Variants in BRWD1 observed in about 807,000 individuals in gnomAD.
BRWD1 encodes bromodomain and WD repeat-containing protein 1.
A neutral mutation model predicts 251.2 loss-of-function variants in BRWD1; 82 were observed. The observed-to-expected ratio is 0.33, with a 90% CI of 0.27 to 0.39. The LOEUF (loss-of-function observed/expected upper bound fraction) is 0.39, where lower values mean the gene tolerates loss of function less well. BRWD1 is among the 10% of genes least tolerant of loss of function. The pLI, the probability that BRWD1 is intolerant of heterozygous loss-of-function variation, is 1.00. For synonymous variants in BRWD1, 918 were observed against 902.8 expected (o/e 1.02, Z -0.30); for missense variants, 2,233 against 2,711.6 (o/e 0.82, Z 3.92).
In BRWD1 at chr21:39,196,040, C is replaced by T; in HGVS notation, c.*219G>A. 7.9e-7 allele frequency: 1 copy of T among 1,264,914 alleles called. No individual in the cohort carries two copies. Among genetic ancestry groups the T allele is most frequent in the South Asian group, 2.5e-5 (1 of 39,638 alleles). 78.4% of individuals were successfully genotyped at this position (1,264,914 alleles called of 1,614,324 possible). On this transcript the variant is annotated 3_prime_UTR_variant, in exon 41 of 41. Coordinates refer to ENST00000342449, the MANE Select transcript of BRWD1 (RefSeq NM_033656.4). ...AAATACTGTCAAAATAGATCTGCCCCCAAAATGAAGCATATTTTGGCACCT... is the reference window on the plus strand; with the variant it reads ...AAATACTGTCAAAATAGATCTGCCCTCAAAATGAAGCATATTTTGGCACCT...
chr21:39,297,145 T>C (rs1238851844), intron 5 of BRWD1: 9 of 985,246 alleles, frequency 9.1e-6, no homozygotes, highest in Middle Eastern at 1.0e-3. Context: ...CCCTCCTCTA[T>C]AGGAGATAGC....
intron 21 of BRWD1, among the ~76,000 whole-genome samples, chr21:39,241,605 A>G (rs2034005598): frequency 6.6e-6 from 1 of 151,638 alleles, no homozygotes; most frequent in South Asian, 2.1e-4. Context: ...GAATAATGTG[A>G]AGTCGTGCAT....
chr21:39,314,211 G>C (rs1291625570), upstream of BRWD1: 2 of 455,706 alleles, frequency 4.4e-6, no homozygotes, highest in South Asian at 1.5e-5. Flanking sequence ...AACGCCGCCC[G>C]GACCCGCGCT....
At chr21:39,313,782 G>C (rs886397651), upstream of BRWD1, 2 of 384,044 alleles carry the variant, frequency 5.2e-6, no homozygotes, top group African/African-American at 2.2e-5. Context: ...TGCCTCCGGG[G>C]ACTCGATGAG....
At chr21:39,286,694 T>C (rs562709471) in intron 8 of BRWD1, among the ~76,000 whole-genome samples, 73 of 151,918 alleles carry the variant, frequency 4.8e-4, no homozygotes, top group African/African-American at 1.6e-3. Context: ...TTTTGTATTT[T>C]TAATACAGAC....
At position 39,193,012 on chromosome 21, in the gene BRWD1, C is replaced by T. The variant is rs1421113212; in HGVS notation, c.*3247G>A. 1.6e-5 allele frequency: 16 copies of T among 984,920 alleles called. No homozygotes were observed. The South Asian group carries it at 6.1e-4, about 38-fold the overall frequency. The allele number at this position is 984,920 out of a possible 1,614,324, so 61.0% of individuals were successfully genotyped here. A position where few individuals can be genotyped will look rare whatever the true frequency, so the allele number is the denominator to read the frequency against. On this transcript the variant is annotated 3_prime_UTR_variant, in exon 41 of 41. Coordinates refer to ENST00000342449, the MANE Select transcript of BRWD1 (RefSeq NM_033656.4). The stretch of plus-strand genomic sequence containing the variant: ...ATAATTTTTACTTACGAGGTCATAA[C>T]GAGTGCAAAGGGCTTAGTGATGCAT...
In BRWD1 at chr21:39,298,574, G is replaced by A; in HGVS notation, c.207C>T (p.Ser69=). Reference sequence around the variant, plus strand: ...GATGATCAGGAGCCACATGCTTATTGGACAAGACCTAGTTGGAGAGCAAGT... The same window carrying A: ...GATGATCAGGAGCCACATGCTTATTAGACAAGACCTAGTTGGAGAGCAAGT... ...HNRSYEELVL[S]NKHVAPDHLL... Residue 69 remains serine, a synonymous_variant, in exon 5 of 41, where the codon TCC becomes TCT. Transcript: ENST00000342449. 1 of 1,589,974 alleles carries A rather than the reference G, an allele frequency of 6.3e-7. No individual in the cohort carries two copies. The highest frequency in any genetic ancestry group is 1.2e-5 in the South Asian group (1 of 86,278).
At chr21:39,286,891 A>T (rs2035658661) in intron 8 of BRWD1, among the ~76,000 whole-genome samples, 1 of 152,140 alleles carries the variant, frequency 6.6e-6, no homozygotes, top group Non-Finnish European at 1.5e-5. Context: ...GCAAATACTT[A>T]ATTTTGTAAT....
At chr21:39,249,956 G>A (rs532991840) in intron 20 of BRWD1, among the ~76,000 whole-genome samples, 90 of 143,706 alleles carry the variant, frequency 6.3e-4, no homozygotes, top group African/African-American at 2.1e-3. Context: ...GTGTGTGTGT[G>A]TATACACACA....
At chr21:39,203,438 C>CT (rs71330353) in intron 37 of BRWD1, among the ~76,000 whole-genome samples, 926 of 67,634 alleles carry the variant, frequency 0.014, 35 homozygotes, top group East Asian at 0.03. Flanking sequence ...GACCCTGGTT[C>CT]TTTTTTTTTT....
rs973430416 is a variant in BRWD1, at chr21:39,189,422, A to G, written c.*6837T>C. 2 of 968,520 alleles carry G rather than the reference A, an allele frequency of 2.1e-6. No homozygotes were observed. Among genetic ancestry groups the G allele is most frequent in the African/African-American group, 3.5e-5 (2 of 56,868 alleles). The allele number at this position is 968,520 out of a possible 1,614,324, so 60.0% of individuals were successfully genotyped here. A position where few individuals can be genotyped will look rare whatever the true frequency, so the allele number is the denominator to read the frequency against. ...TAGGAACCTAGTAAATACTAATTCT[A>G]ACACATTTTAATAAATGTTTATTTG... On this transcript the variant is annotated 3_prime_UTR_variant, in exon 41 of 41. Coordinates refer to ENST00000342449, the MANE Select transcript of BRWD1 (RefSeq NM_033656.4).
At chr21:39,298,337 T>C (rs1350083544) in intron 5 of BRWD1, 95 bp downstream of exon 5, 2 of 1,398,524 alleles carry the variant, frequency 1.4e-6, no homozygotes, top group African/African-American at 2.9e-5. Flanking sequence ...ATAGTTACAT[T>C]ATCACCTTTC....
chr21:39,200,453 C>T, intron 38 of BRWD1, 67 bp from the exon 39 acceptor site: 1 of 1,314,886 alleles, frequency 7.6e-7, no homozygotes, highest in Non-Finnish European at 1.1e-6. Flanking sequence ...GCAAGCAGTT[C>T]ATAACATTAC....
chr21:39,238,653 T>TC (rs1170694923), intron 21 of BRWD1, 80 bp from the exon 22 acceptor site: 8 of 867,112 alleles, frequency 9.2e-6, no homozygotes, highest in Non-Finnish European at 1.5e-5. Flanking sequence ...TACACAATCC[T>TC]CCCCAGTAAG....
rs71330353 is a variant in BRWD1, at chr21:39,203,438, C to CTTTTTTTTTTTTTTTTTT, written c.4365-911_4365-894dup. On this transcript the variant is annotated intron_variant, in intron 37 of 40. Coordinates refer to ENST00000342449, the MANE Select transcript of BRWD1 (RefSeq NM_033656.4). ...TGGGCAACAGAGCAAGACCCTGGTT[C>CTTTTTTTTTTTTTTTTTT]TTTTTTTTTTTTTTTTTTTTTTTTG... is the stretch of plus-strand genomic sequence containing the variant. 2.9e-3 allele frequency among the ~76,000 whole-genome samples: 195 copies of CTTTTTTTTTTTTTTTTTT among 67,700 alleles called. 16 individuals carry two copies. Among genetic ancestry groups the CTTTTTTTTTTTTTTTTTT allele is most frequent in the Middle Eastern group, 0.023 (2 of 88 alleles). 44.4% of individuals were successfully genotyped at this position (67,700 alleles called of 152,430 possible).
At position 39,247,898 on chromosome 21, in the gene BRWD1, G is replaced by A. The variant is rs552931134; in HGVS notation, c.2350-66C>T. On this transcript the variant is annotated intron_variant, in intron 20 of 40. Coordinates refer to ENST00000342449, the MANE Select transcript of BRWD1 (RefSeq NM_033656.4). ...AATAAGGACAATATCAACAAAATGG[G>A]CATTCCGTCAAGTTTCCAGAAGGAT... is the stretch of plus-strand genomic sequence containing the variant. 551 of 1,430,864 alleles carry A rather than the reference G, an allele frequency of 3.9e-4. 8 individuals are homozygous for A. The South Asian group carries it at 8.4e-3, about 22-fold the overall frequency. 88.6% of individuals were successfully genotyped at this position (1,430,864 alleles called of 1,614,324 possible).
intron 20 of BRWD1, 97 bp downstream of exon 20, chr21:39,250,699 C>A: frequency 1.3e-6 from 1 of 771,530 alleles, no homozygotes; most frequent in South Asian, 2.0e-5. Flanking sequence ...AAATACTCCA[C>A]TTCAGATGAA....
At position 39,259,905 on chromosome 21, in the gene BRWD1, G is replaced by A. The variant is rs558411887; in HGVS notation, c.1886-1233C>T. ...AGGTGATAATCAAAAGGAATGCAAA[G>A]ATATAACTTGCCACCATAAAGACAG... On this transcript the variant is annotated intron_variant, in intron 17 of 40. Transcript: ENST00000342449. 5.3e-5 allele frequency among the ~76,000 whole-genome samples: 8 copies of A among 152,170 alleles called. No individual in the cohort carries two copies. The South Asian group carries it at 1.7e-3, about 32-fold the overall frequency.
intron 23 of BRWD1, among the ~76,000 whole-genome samples, chr21:39,233,719 G>A (rs2033707488): frequency 6.6e-6 from 1 of 152,214 alleles, no homozygotes; most frequent in Admixed American, 6.5e-5. Context: ...ATGGAGAAGT[G>A]TTAATAATAA....
Sources: allele counts gnomAD v4.1 joint callset (sites outside exome capture counted in the v4.1 genomes callset), GRCh38; gene constraint gnomAD v4.1.1; transcripts MANE v1.5; gene names NCBI Gene and HGNC (gene_info 2026-07-23, HGNC 2026-07-21).